The following PRKAG2 variants were observed in gnomAD, a reference collection of about 807,000 sequenced individuals.
PRKAG2 encodes protein kinase AMP-activated non-catalytic subunit gamma 2.
A neutral mutation model predicts 69.6 loss-of-function variants in PRKAG2; 26 were observed. The observed-to-expected ratio is 0.37, with a 90% CI of 0.27 to 0.52. PRKAG2 has a LOEUF of 0.52. Ranked by LOEUF, PRKAG2 falls within the 20% of genes least tolerant of loss-of-function variation. The probability of loss-of-function intolerance (pLI) is 0.90; values close to 1 mark genes in which losing one functional copy is unlikely to be tolerated. For synonymous variants in PRKAG2, 293 were observed against 285.0 expected (o/e 1.03, Z -0.28); for missense variants, 557 against 740.0 (o/e 0.75, Z 2.87).
At chr7:151,804,026 C>T (rs2077976405) in intron 1 of PRKAG2, among the ~76,000 whole-genome samples, 1 of 152,030 alleles carries the variant, frequency 6.6e-6, no homozygotes, top group African/African-American at 2.4e-5. Flanking sequence ...TTGGCCCAGC[C>T]ATGCCATGTC....
chr7:151,730,310 C>A (rs1798724566), intron 3 of PRKAG2, among the ~76,000 whole-genome samples: 1 of 152,154 alleles, frequency 6.6e-6, no homozygotes, highest in South Asian at 2.1e-4. Flanking sequence ...AATGACAGAA[C>A]CTGTCATTGT....
chr7:151,682,663 T>C (rs903462110), intron 3 of PRKAG2, among the ~76,000 whole-genome samples: 1 of 151,420 alleles, frequency 6.6e-6, no homozygotes, highest in South Asian at 2.1e-4. Context: ...ATGCTGGGGG[T>C]GTTGAGGAAG....
chr7:151,646,552 T>C (rs1345278), intron 4 of PRKAG2, among the ~76,000 whole-genome samples: 93,399 of 152,034 alleles, frequency 0.61, 29,842 homozygotes, highest in African/African-American at 0.78. Flanking sequence ...TAAATTCACT[T>C]GTAAGTTCTA....
intron 8 of PRKAG2, among the ~76,000 whole-genome samples, chr7:151,574,361 T>C (rs1055282777): frequency 2.0e-5 from 3 of 152,224 alleles, no homozygotes; most frequent in African/African-American, 7.2e-5. Flanking sequence ...TCCAGAACCA[T>C]TGTACTAGGG....
Position 151,807,285 on chromosome 7 carries a change from TA to T in PRKAG2, c.115-20745del, listed in dbSNP as rs2078160927. The T allele has an allele frequency of 2.5e-6, 1 of 401,058 alleles. No individual in the cohort carries two copies. The highest frequency in any genetic ancestry group is 1.8e-5 in the South Asian group (1 of 54,494). The allele number at this position is 401,058 out of a possible 1,614,324, so 24.8% of individuals were successfully genotyped here. A position where few individuals can be genotyped will look rare whatever the true frequency, so the allele number is the denominator to read the frequency against. On this transcript the variant is annotated intron_variant, in intron 1 of 15. Coordinates refer to ENST00000287878, the MANE Select transcript of PRKAG2 (RefSeq NM_016203.4). This position sits in a 1 kb window ranked among gnomAD's most constrained non-coding sequence, Gnocchi z 4.4. ...GTCAGCCACCAGCAGACCCATGGGATAGGGGAAGAAAAACAAGCAATCTACA... is the reference window on the plus strand; with the variant it reads ...GTCAGCCACCAGCAGACCCATGGGATGGGGAAGAAAAACAAGCAATCTACA...
chr7:151,876,332 C>T (rs2080403867), intron 1 of PRKAG2, among the ~76,000 whole-genome samples, 175 bp downstream of exon 1: 1 of 152,044 alleles, frequency 6.6e-6, no homozygotes, highest in Non-Finnish European at 1.5e-5. Flanking sequence ...AGAGATTGAG[C>T]CCCGGCTCCG....
rs367777685 is a variant in PRKAG2 at position 151,840,136 on chromosome 7, A to G, written c.114+36371T>C. Among the ~76,000 whole-genome samples, 58 of 152,324 alleles carry G rather than the reference A, an allele frequency of 3.8e-4. No individual in the cohort carries two copies. In the East Asian group the frequency reaches 9.5e-3, roughly 25 times the overall value. On this transcript the variant is annotated intron_variant, in intron 1 of 15. Coordinates refer to ENST00000287878, the MANE Select transcript of PRKAG2 (RefSeq NM_016203.4). ...TTTGTAATCAGAAAAGTAGACTTTC[A>G]AAAGAAGACATCATCTAAGTTACTT...
chr7:151,714,150 C>T (rs960496904), intron 3 of PRKAG2, among the ~76,000 whole-genome samples: 4 of 152,164 alleles, frequency 2.6e-5, no homozygotes, highest in East Asian at 3.9e-4. Context: ...ACGGGCTTTA[C>T]GGGGTTGTCA....
intron 3 of PRKAG2, among the ~76,000 whole-genome samples, chr7:151,685,438 T>C (rs1446805621): frequency 2.0e-5 from 3 of 152,210 alleles, no homozygotes; most frequent in Non-Finnish European, 2.9e-5. Context: ...TGGTTGTCAT[T>C]TATAAATGAA....
chr7:151,708,210 A>G (rs1838947108), intron 3 of PRKAG2, among the ~76,000 whole-genome samples: 1 of 152,052 alleles, frequency 6.6e-6, no homozygotes, highest in South Asian at 2.1e-4. Context: ...CCATGCAGCC[A>G]GCTACTGTGA....
In PRKAG2 at chr7:151,780,920, G is replaced by C. The variant is rs186123754; in HGVS notation, c.466+232C>G. ...TTAACCCAAGGACCTTGCTGGACCA[G>C]AAGGATTACGCTTTGATAGATTAGC... On this transcript the variant is annotated intron_variant, in intron 3 of 15. Coordinates refer to ENST00000287878, the MANE Select transcript of PRKAG2 (RefSeq NM_016203.4). The surrounding 1 kb of genome is among the most constrained non-coding windows in gnomAD (Gnocchi z 4.2). Among the ~76,000 whole-genome samples the C allele has an allele frequency of 6.6e-5, 10 of 152,262 alleles. No individual in the cohort carries two copies. Among genetic ancestry groups the C allele is most frequent in the African/African-American group, 2.4e-4 (10 of 41,570 alleles).
chr7:151,599,572 G>A (rs1160286415), intron 5 of PRKAG2, among the ~76,000 whole-genome samples: 1 of 152,186 alleles, frequency 6.6e-6, no homozygotes. Flanking sequence ...GTGGTAGTGG[G>A]TGGTTTCAGG....
chr7:151,632,106 T>G lies in PRKAG2; in HGVS notation c.717A>C (p.Glu239Asp), dbSNP rs918000213. 2.1e-6 allele frequency: 3 copies of G among 1,410,414 alleles called. No homozygotes were observed. In the Admixed American group the frequency reaches 6.4e-5, roughly 30 times the overall value. 87.4% of individuals were successfully genotyped at this position (1,410,414 alleles called of 1,614,324 possible). ...ACTCCAGCTTCTCCAGCATGCCGGC[T>G]TCCGCGGGTCCCAGGGCCGCCGCCA... ...AALAAALGPA[E>D]AGMLEKLEFE... The change falls in exon 5 of 16, where the codon GAA (glutamate) becomes GAC (aspartate). Residue 239 changes from glutamate to aspartate, a missense_variant. By Grantham distance (45) the Glu-to-Asp change is conservative (BLOSUM62 2). Transcript: ENST00000287878. The surrounding 1 kb of genome is among the most constrained non-coding windows in gnomAD (Gnocchi z 4.2).
intron 5 of PRKAG2, among the ~76,000 whole-genome samples, chr7:151,617,289 AGGGG>A (rs1260718098): frequency 2.4e-4 from 4 of 16,368 alleles, no homozygotes; most frequent in African/African-American, 4.3e-4. Flanking sequence ...GGAAAGAGGG[AGGGG>A]GGGAGGGAGG....
At chr7:151,688,975 G>A (rs1413911491) in intron 3 of PRKAG2, among the ~76,000 whole-genome samples, 4 of 152,142 alleles carry the variant, frequency 2.6e-5, no homozygotes, top group Non-Finnish European at 4.4e-5. Flanking sequence ...TTTGCACCCT[G>A]AACCTCCAAA....
chr7:151,838,368 G>GA (rs2079191819), intron 1 of PRKAG2, among the ~76,000 whole-genome samples: 1 of 151,984 alleles, frequency 6.6e-6, no homozygotes, highest in South Asian at 2.1e-4. Flanking sequence ...GTCTCCAGCA[G>GA]ACGGGTATCC....
In PRKAG2 at chr7:151,673,838, CTTTTTTTTT is replaced by C. The variant is rs57744338; in HGVS notation, c.684+1573_684+1581del. Among the ~76,000 whole-genome samples the C allele has an allele frequency of 9.1e-5, 8 of 87,572 alleles. No homozygotes were observed. In the East Asian group the frequency reaches 2.2e-3, roughly 25 times the overall value. The allele number at this position is 87,572 out of a possible 152,430, so 57.5% of individuals were successfully genotyped here. A position where few individuals can be genotyped will look rare whatever the true frequency, so the allele number is the denominator to read the frequency against. On this transcript the variant is annotated intron_variant, in intron 4 of 15. Coordinates refer to ENST00000287878, the MANE Select transcript of PRKAG2 (RefSeq NM_016203.4). ...GCCCTCATCCAATGTAGCTTGTGTT[CTTTTTTTTT>C]TTTTTTTTTTTTTGAGACAGTGTCT...
intron 5 of PRKAG2, among the ~76,000 whole-genome samples, chr7:151,607,784 C>T (rs982491230): frequency 2.0e-5 from 3 of 152,184 alleles, no homozygotes; most frequent in Non-Finnish European, 2.9e-5. Flanking sequence ...CCTCTGCACA[C>T]ACTATTCTTT....
At chr7:151,682,800 G>A (rs932385374) in intron 3 of PRKAG2, among the ~76,000 whole-genome samples, 10 of 151,852 alleles carry the variant, frequency 6.6e-5, no homozygotes, top group East Asian at 1.9e-4. Context: ...GGGAGCTCAG[G>A]GAAGAGGAGA....
Sources: gnomAD v4.1 joint callset for allele counts (sites outside exome capture counted in the v4.1 genomes callset) on GRCh38, gnomAD v4.1.1 for gene constraint, Gnocchi (gnomAD v3.1) non-coding constraint, MANE v1.5 for transcripts, NCBI Gene and HGNC (gene_info 2026-07-23, HGNC 2026-07-21) for gene names.